The following MIAT variants were observed in gnomAD, a reference collection of about 807,000 sequenced individuals.
The protein encoded by MIAT is MI related novel mRNA.
chr22:26,658,989 A>G (rs1930559980), intron 2 of MIAT, among the ~76,000 whole-genome samples: 1 of 152,192 alleles, frequency 6.6e-6, no homozygotes, highest in Admixed American at 6.5e-5. Context: ...GGCAGGGATG[A>G]GTAATTCCAC....
intron 2 of MIAT, among the ~76,000 whole-genome samples, chr22:26,662,405 GAC>G (rs1290580888): frequency 6.6e-6 from 1 of 152,106 alleles, no homozygotes; most frequent in African/African-American, 2.4e-5. Flanking sequence ...TGTAGATAAA[GAC>G]ACTCCCAATT....
At chr22:26,669,809 G>A, downstream of MIAT, 1 of 399,064 alleles carries the variant, frequency 2.5e-6, no homozygotes, top group Non-Finnish European at 4.4e-6. Flanking sequence ...ATATGGAACT[G>A]GCAGGGCTCA....
chr22:26,647,695 G>A (rs1319517764), intron 2 of MIAT, among the ~76,000 whole-genome samples: 3 of 152,164 alleles, frequency 2.0e-5, no homozygotes, highest in African/African-American at 7.2e-5. Flanking sequence ...GGGGCTGCGA[G>A]CAGGGGAGTG....
At chr22:26,664,762 A>AT (rs1450613815) in intron 3 of MIAT, among the ~76,000 whole-genome samples, 1 of 152,162 alleles carries the variant, frequency 6.6e-6, no homozygotes, top group Non-Finnish European at 1.5e-5. Context: ...AAGATAGGGG[A>AT]TTTTAATTTG....
intron 2 of MIAT, among the ~76,000 whole-genome samples, chr22:26,661,925 T>C (rs1930681570): frequency 5.1e-5 from 1 of 19,470 alleles, no homozygotes; most frequent in Non-Finnish European, 8.1e-5. Context: ...TCCATATATA[T>C]ATATATATAT....
chr22:26,649,088 G>C (rs1267915295), intron 2 of MIAT, among the ~76,000 whole-genome samples: 1 of 152,204 alleles, frequency 6.6e-6, no homozygotes, highest in Admixed American at 6.5e-5. Flanking sequence ...ATGTGAGAGA[G>C]AGAGAGAGCA....
intron 2 of MIAT, among the ~76,000 whole-genome samples, chr22:26,661,917 CATATATAT>C (rs58654108): frequency 8.7e-4 from 70 of 80,578 alleles, no homozygotes; most frequent in South Asian, 1.4e-3. Flanking sequence ...TATATAGATC[CATATATAT>C]ATATATATAT....
intron 2 of MIAT, among the ~76,000 whole-genome samples, chr22:26,655,858 A>T (rs1199779084): frequency 1.3e-5 from 2 of 151,832 alleles, no homozygotes; most frequent in Non-Finnish European, 2.9e-5. Flanking sequence ...ATTTTTTTGT[A>T]TTTTTTGTGG....
exon 6 of MIAT, chr22:26,668,432 C>T (rs1423186546): frequency 2.0e-5 from 8 of 398,670 alleles, no homozygotes; most frequent in Non-Finnish European, 3.1e-5. Context: ...GCCCACTACT[C>T]CCTCCTCACC....
intron 2 of MIAT, among the ~76,000 whole-genome samples, chr22:26,659,810 CTT>C (rs902238183): frequency 7.2e-6 from 1 of 138,538 alleles, no homozygotes; most frequent in African/African-American, 2.6e-5. Flanking sequence ...ACTCCATTTT[CTT>C]TTTTTCTTTT....
At chr22:26,661,917 C>CATATATATAT (rs58654108) in intron 2 of MIAT, among the ~76,000 whole-genome samples, 62 of 80,508 alleles carry the variant, frequency 7.7e-4, no homozygotes, top group Admixed American at 1.3e-3. Context: ...TATATAGATC[C>CATATATATAT]ATATATATAT....
exon 5 of MIAT, chr22:26,675,798 A>G (rs1931241018): frequency 2.5e-6 from 1 of 398,674 alleles, no homozygotes; most frequent in Non-Finnish European, 4.4e-6. Context: ...AGGGGCAGAT[A>G]CAAGTGTGGA....
At chr22:26,650,584 G>A (rs1278775609) in intron 2 of MIAT, 1 of 152,192 alleles carries the variant, frequency 6.6e-6, no homozygotes, top group East Asian at 1.9e-4. Context: ...CCTTTATCTA[G>A]AGAGACTGCT....
rs1160296945 is a variant in MIAT at position 26,648,233 on chromosome 22, A to C, written n.646+922A>C. 2.6e-5 allele frequency among the ~76,000 whole-genome samples: 4 copies of C among 152,276 alleles called. No individual in the cohort carries two copies. The East Asian group carries it at 5.8e-4, about 22-fold the overall frequency. On this transcript the variant is annotated intron_variant and non_coding_transcript_variant, in intron 2 of 5. Transcript: ENST00000643270. ...ACTGGGAGGGCCCGGGAGCAGGTGCAGGGCGTCTGGAGGGGGTCTGTTTGC... is the reference window on the plus strand; with the variant it reads ...ACTGGGAGGGCCCGGGAGCAGGTGCCGGGCGTCTGGAGGGGGTCTGTTTGC...
At chr22:26,651,290 G>A (rs2331289) in intron 2 of MIAT, among the ~76,000 whole-genome samples, 116,151 of 152,110 alleles carry the variant, frequency 0.76, 44,465 homozygotes, top group South Asian at 0.86. Context: ...TTGCTCAGGG[G>A]ACAGCTGTCA....
chr22:26,659,385 T>C (rs1264486577), intron 2 of MIAT, among the ~76,000 whole-genome samples: 2 of 152,222 alleles, frequency 1.3e-5, no homozygotes, highest in East Asian at 3.8e-4. Flanking sequence ...TACTATTTAG[T>C]GATCCTTGCC....
At chr22:26,662,076 C>A (rs1431061250) in intron 2 of MIAT, among the ~76,000 whole-genome samples, 2 of 151,436 alleles carry the variant, frequency 1.3e-5, no homozygotes, top group Non-Finnish European at 2.9e-5. Context: ...CCTGTTGAAG[C>A]CTCCCAAATA....
chr22:26,660,111 C>T (rs1439458849), intron 2 of MIAT, among the ~76,000 whole-genome samples: 4 of 151,224 alleles, frequency 2.6e-5, no homozygotes, highest in African/African-American at 9.7e-5. Flanking sequence ...GCTGGGATTA[C>T]AGGCGTGAGC....
downstream of MIAT, chr22:26,673,905 C>T (rs1931163475): frequency 1.0e-5 from 4 of 398,596 alleles, no homozygotes; most frequent in Admixed American, 8.8e-5. Context: ...GGCATATCTT[C>T]ACTCCTCATA....
Sources: gnomAD v4.1 joint callset for allele counts (sites outside exome capture counted in the v4.1 genomes callset) on GRCh38, gnomAD v4.1.1 for gene constraint, MANE v1.5 for transcripts, NCBI Gene and HGNC (gene_info 2026-07-23, HGNC 2026-07-21) for gene names.